Variants in NIPAL2 observed in about 807,000 individuals in gnomAD.
The protein encoded by NIPAL2 is NIPA like domain containing 2.
A neutral mutation model predicts 48.9 loss-of-function variants in NIPAL2; 43 were observed. The ratio of observed to expected loss-of-function variants is 0.88; its 90% CI spans 0.69 to 1.13. The LOEUF is 1.13. Among genes scored for constraint, NIPAL2 ranks in the 50% most tolerant of loss-of-function variants. The pLI is 0.00. For synonymous variants in NIPAL2, 167 were observed against 174.6 expected (o/e 0.96, Z 0.34); for missense variants, 446 against 461.4 (o/e 0.97, Z 0.31).
At chr8:98,208,126 A>G (rs1811126212) in intron 6 of NIPAL2, among the ~76,000 whole-genome samples, 1 of 152,204 alleles carries the variant, frequency 6.6e-6, no homozygotes, top group Non-Finnish European at 1.5e-5. Flanking sequence ...TACAGTGCTC[A>G]ATTGCACAGA....
chr8:98,241,978 A>G (rs1813003188), intron 3 of NIPAL2, among the ~76,000 whole-genome samples: 2 of 152,158 alleles, frequency 1.3e-5, no homozygotes, highest in African/African-American at 4.8e-5. Flanking sequence ...AATGGCCATA[A>G]TGCATTAAAA....
At chr8:98,293,976 C>A in intron 1 of NIPAL2, 27 bp downstream of exon 1, 1 of 1,431,498 alleles carries the variant, frequency 7.0e-7, no homozygotes, top group Non-Finnish European at 9.2e-7. Context: ...CCCCACCGGG[C>A]TGCGGTGGCT....
At chr8:98,293,329 A>C (rs2130932012) in intron 1 of NIPAL2, among the ~76,000 whole-genome samples, 1 of 152,324 alleles carries the variant, frequency 6.6e-6, no homozygotes, top group South Asian at 2.1e-4. Context: ...ATCTTAAACC[A>C]AGCCAAAAAT....
chr8:98,201,326 T>A (rs1001922748), intron 8 of NIPAL2, among the ~76,000 whole-genome samples: 4 of 152,216 alleles, frequency 2.6e-5, no homozygotes, highest in African/African-American at 4.8e-5. Flanking sequence ...TTACTCTGTA[T>A]GCTGAGTATT....
chr8:98,225,505 G>A (rs897904274), intron 4 of NIPAL2, among the ~76,000 whole-genome samples: 29 of 152,170 alleles, frequency 1.9e-4, no homozygotes, highest in African/African-American at 7.0e-4. Flanking sequence ...ACCTTCTGCT[G>A]GCCCATTTGC....
intron 4 of NIPAL2, among the ~76,000 whole-genome samples, chr8:98,223,911 T>C (rs1358894317): frequency 6.6e-6 from 1 of 152,212 alleles, no homozygotes; most frequent in Non-Finnish European, 1.5e-5. Context: ...CAGTCATGTC[T>C]TTTCTTTGGA....
intron 1 of NIPAL2, among the ~76,000 whole-genome samples, chr8:98,254,797 C>T (rs186186376): frequency 9.8e-5 from 15 of 152,340 alleles, no homozygotes; most frequent in East Asian, 5.8e-4. Flanking sequence ...GTATGTGGCA[C>T]GCGCCATCCT....
In NIPAL2 at chr8:98,267,893, T is replaced by G. The variant is rs553975671; in HGVS notation, c.136-13806A>C. Among the ~76,000 whole-genome samples the G allele has an allele frequency of 2.0e-5, 3 of 152,308 alleles. No individual in the cohort carries two copies. In the South Asian group the frequency reaches 6.2e-4, roughly 32 times the overall value. ...AGGCAAAAATTTAGAGATTTAAAAT[T>G]AGCCATATACACATTCCCCACAATT... On this transcript the variant is annotated intron_variant, in intron 1 of 10. Coordinates refer to ENST00000430223, the MANE Select transcript of NIPAL2 (RefSeq NM_001321635.2).
intron 5 of NIPAL2, among the ~76,000 whole-genome samples, chr8:98,217,654 G>C (rs1234875176): frequency 6.6e-6 from 1 of 152,134 alleles, no homozygotes; most frequent in Non-Finnish European, 1.5e-5. Flanking sequence ...AGTCTTTAGA[G>C]ATGCAATTAT....
At chr8:98,199,377 G>A (rs957119450) in intron 8 of NIPAL2, among the ~76,000 whole-genome samples, 2 of 152,112 alleles carry the variant, frequency 1.3e-5, no homozygotes, top group Non-Finnish European at 2.9e-5. Context: ...TCTAGCTTTT[G>A]ACTTAAGGGA....
At chr8:98,260,719 C>T (rs979943048) in intron 1 of NIPAL2, among the ~76,000 whole-genome samples, 1 of 152,254 alleles carries the variant, frequency 6.6e-6, no homozygotes, top group African/African-American at 2.4e-5. Context: ...CCCGCCATTG[C>T]CCAGGCTTGA....
intron 1 of NIPAL2, among the ~76,000 whole-genome samples, chr8:98,281,441 A>C (rs911857642): frequency 6.6e-6 from 1 of 152,146 alleles, no homozygotes; most frequent in African/African-American, 2.4e-5. Flanking sequence ...CAACAGGGTG[A>C]CTACAGCCAA....
chr8:98,202,987 A>T, intron 8 of NIPAL2, 121 bp downstream of exon 8: 1 of 731,316 alleles, frequency 1.4e-6, no homozygotes, highest in Non-Finnish European at 2.3e-6. Flanking sequence ...GGGGAAATTC[A>T]GACACCAGGT....
chr8:98,231,494 G>T (rs1225586773), intron 4 of NIPAL2, among the ~76,000 whole-genome samples: 2 of 152,096 alleles, frequency 1.3e-5, no homozygotes, highest in African/African-American at 4.8e-5. Flanking sequence ...ACTCTATCTG[G>T]TCTTAAATCA....
At position 98,212,442 on chromosome 8, in the gene NIPAL2, C is replaced by T; in HGVS notation, c.618G>A (p.Lys206=). ...LLYFYKRKGM[K]HMVILLTLVA... Reference sequence around the variant, plus strand: ...CCAGGGTTAGCAGAATCACCATATGCTTCATTCCTTTTCTTTTATAGAAAT... The same window carrying T: ...CCAGGGTTAGCAGAATCACCATATGTTTCATTCCTTTTCTTTTATAGAAAT... Residue 206 remains lysine, a synonymous_variant, in exon 6 of 11, where the codon AAG becomes AAA. Coordinates refer to ENST00000430223, the MANE Select transcript of NIPAL2 (RefSeq NM_001321635.2). 6.3e-7 allele frequency: 1 copy of T among 1,589,572 alleles called. No individual in the cohort carries two copies. The highest frequency in any genetic ancestry group is 8.6e-7 in the Non-Finnish European group (1 of 1,158,410).
At chr8:98,275,115 A>G (rs924307672) in intron 1 of NIPAL2, among the ~76,000 whole-genome samples, 2 of 152,152 alleles carry the variant, frequency 1.3e-5, no homozygotes, top group Non-Finnish European at 2.9e-5. Context: ...CAAAACCAAG[A>G]AACTGGCATT....
intron 1 of NIPAL2, among the ~76,000 whole-genome samples, chr8:98,258,992 A>C (rs1814087195): frequency 6.6e-6 from 1 of 151,980 alleles, no homozygotes; most frequent in Non-Finnish European, 1.5e-5. Flanking sequence ...CTATGACACC[A>C]AATACACAGG....
chr8:98,280,777 G>T (rs1221771530), intron 1 of NIPAL2, among the ~76,000 whole-genome samples: 3 of 121,100 alleles, frequency 2.5e-5, no homozygotes, highest in African/African-American at 9.5e-5. Flanking sequence ...GAGAGAGAGA[G>T]AGAGAGAGAG....
chr8:98,241,579 G>T (rs1177542871), intron 3 of NIPAL2, among the ~76,000 whole-genome samples: 1 of 152,082 alleles, frequency 6.6e-6, no homozygotes, highest in African/African-American at 2.4e-5. Flanking sequence ...AAGCCTAAAG[G>T]TGTCAATTGC....
Sources: gnomAD v4.1 joint callset for allele counts (sites outside exome capture counted in the v4.1 genomes callset) on GRCh38, gnomAD v4.1.1 for gene constraint, MANE v1.5 for transcripts, NCBI Gene and HGNC (gene_info 2026-07-23, HGNC 2026-07-21) for gene names.